Variants in PTPRD observed in about 807,000 individuals in gnomAD.
The protein encoded by PTPRD is protein tyrosine phosphatase receptor type D.
PTPRD carries 34 observed loss-of-function variants against 214.5 expected under a neutral mutation model. That is an observed-to-expected ratio of 0.16 (90% CI 0.12 to 0.21). The LOEUF is 0.21. PTPRD is among the 10% of genes least tolerant of loss of function. The probability of loss-of-function intolerance (pLI) is 1.00; values close to 1 mark genes in which losing one functional copy is unlikely to be tolerated. For synonymous variants in PTPRD, 1,128 were observed against 845.7 expected, an observed-to-expected ratio of 1.33 and a Z score of -5.79; for missense variants, 2,545 against 2,398.7, an observed-to-expected ratio of 1.06 and a Z score of -1.27.
rs548751655 is a variant in PTPRD, at chr9:9,162,740, T to A, written c.-143+20564A>T. ...CTACCTCTGCAAGTACTATTTTTTT[T>A]CTCTCCTTACCCCTTTACGGTCAAA... On this transcript the variant is annotated intron_variant, in intron 10 of 45. Transcript: ENST00000381196. Among the ~76,000 whole-genome samples, 3 of 152,242 alleles carry A rather than the reference T, an allele frequency of 2.0e-5. No individual in the cohort carries two copies. The East Asian group carries it at 5.8e-4, about 29-fold the overall frequency.
Position 9,884,171 on chromosome 9 carries a change from C to G in PTPRD, c.-368+54336G>C, listed in dbSNP as rs1040041388. ...AGTTTATTTTGGTCCCTCTAAGCCT[C>G]CCCATCATCCTTCAAACATTGACTA... On this transcript the variant is annotated intron_variant, in intron 5 of 45. Coordinates refer to ENST00000381196, the MANE Select transcript of PTPRD (RefSeq NM_002839.4). Among the ~76,000 whole-genome samples the G allele has an allele frequency of 9.9e-5, 15 of 152,020 alleles. 1 individual carries two copies. Among genetic ancestry groups the G allele is most frequent in the African/African-American group, 2.9e-4 (12 of 41,390 alleles).
At chr9:8,698,771 C>G (rs1288799358) in intron 12 of PTPRD, among the ~76,000 whole-genome samples, 1 of 152,144 alleles carries the variant, frequency 6.6e-6, no homozygotes, top group Non-Finnish European at 1.5e-5. Flanking sequence ...AACTAGATAG[C>G]TTGTTACCAA....
At chr9:8,940,702 G>A (rs983575722) in intron 11 of PTPRD, among the ~76,000 whole-genome samples, 1 of 151,906 alleles carries the variant, frequency 6.6e-6, no homozygotes, top group Non-Finnish European at 1.5e-5. Context: ...CCTGCTGGTT[G>A]GAGACACTCT....
At position 10,604,827 on chromosome 9, in the gene PTPRD, T is replaced by A. The variant is rs186795420; in HGVS notation, c.-600+7571A>T. On this transcript the variant is annotated intron_variant, in intron 2 of 45. Transcript: ENST00000381196. ...AATAGGAAATTACAAATGGGAAATATTTTTTCTATACTTGTGATGCACATA... is the reference window on the plus strand; with the variant it reads ...AATAGGAAATTACAAATGGGAAATAATTTTTCTATACTTGTGATGCACATA... 2.2e-3 allele frequency among the ~76,000 whole-genome samples: 336 copies of A among 152,012 alleles called. 3 individuals carry two copies. Among genetic ancestry groups the A allele is most frequent in the African/African-American group, 7.5e-3 (313 of 41,516 alleles).
intron 44 of PTPRD, among the ~76,000 whole-genome samples, chr9:8,325,311 G>A (rs1832535116): frequency 6.7e-6 from 1 of 148,360 alleles, no homozygotes; most frequent in Non-Finnish European, 1.5e-5. Flanking sequence ...TCTGCATATG[G>A]CCAGCCAGTT....
At position 8,897,175 on chromosome 9, in the gene PTPRD, A is replaced by G. The variant is rs931987272; in HGVS notation, c.-104+121522T>C. Among the ~76,000 whole-genome samples the G allele has an allele frequency of 3.3e-5, 5 of 152,210 alleles. No homozygotes were observed. In the South Asian group the frequency reaches 8.3e-4, roughly 25 times the overall value. On this transcript the variant is annotated intron_variant, in intron 11 of 45. Transcript: ENST00000381196. ...GGCCAAAATCTATCAATCAAGGAAT[A>G]TTTATTAAATGCCTGTGGGTTCCCT...
In PTPRD at chr9:8,645,318, C is replaced by G. The variant is rs566297654; in HGVS notation, c.65-8474G>C. ...AAATCAATGTCAGAAAATTCATAAA[C>G]AAATCACCCAAATTCCAAGTTTAGC... On this transcript the variant is annotated intron_variant, in intron 12 of 45. Transcript: ENST00000381196. Among the ~76,000 whole-genome samples, 3 of 152,264 alleles carry G rather than the reference C, an allele frequency of 2.0e-5. No individual in the cohort carries two copies. The South Asian group carries it at 6.2e-4, about 32-fold the overall frequency.
At chr9:9,921,991 C>T (rs1329293271) in intron 5 of PTPRD, among the ~76,000 whole-genome samples, 1 of 151,992 alleles carries the variant, frequency 6.6e-6, no homozygotes, top group Non-Finnish European at 1.5e-5. Context: ...ACACTTAATC[C>T]CTGTGCCATA....
chr9:10,533,556 A>C (rs1187005263), intron 2 of PTPRD, among the ~76,000 whole-genome samples: 4 of 152,004 alleles, frequency 2.6e-5, no homozygotes, highest in Non-Finnish European at 5.9e-5. Context: ...TAATGTATTA[A>C]AGAGTATGAA....
intron 35 of PTPRD, among the ~76,000 whole-genome samples, chr9:8,434,641 T>G (rs1374602678): frequency 6.6e-6 from 1 of 152,066 alleles, no homozygotes; most frequent in Non-Finnish European, 1.5e-5. Flanking sequence ...TAATCAAAAA[T>G]AAATAATTAA....
chr9:10,562,287 C>G (rs939247499), intron 2 of PTPRD, among the ~76,000 whole-genome samples: 1 of 151,294 alleles, frequency 6.6e-6, no homozygotes, highest in Non-Finnish European at 1.5e-5. Flanking sequence ...TCTTCTTCAA[C>G]GTAATGGAGG....
At chr9:9,412,740 G>A (rs112182268) in intron 8 of PTPRD, among the ~76,000 whole-genome samples, 109 of 151,840 alleles carry the variant, frequency 7.2e-4, no homozygotes, top group African/African-American at 2.2e-3. Context: ...GTTCTCATGC[G>A]CCATCCCCCA....
chr9:10,605,555 G>A (rs56395078), intron 2 of PTPRD, among the ~76,000 whole-genome samples: 6,696 of 151,828 alleles, frequency 0.044, 250 homozygotes, highest in African/African-American at 0.098. Context: ...GACTGCAACT[G>A]CCTAATAAGC....
chr9:9,860,153 T>C (rs947437141), intron 5 of PTPRD, among the ~76,000 whole-genome samples: 3 of 152,222 alleles, frequency 2.0e-5, no homozygotes, highest in Non-Finnish European at 2.9e-5. Flanking sequence ...GGTAAAACTA[T>C]TTCTTATTCT....
At chr9:10,043,479 G>C (rs531039646) in intron 3 of PTPRD, among the ~76,000 whole-genome samples, 1 of 151,952 alleles carries the variant, frequency 6.6e-6, no homozygotes, top group East Asian at 1.9e-4. Flanking sequence ...ATAGCTTAGA[G>C]ATCTTTGCCT....
intron 3 of PTPRD, among the ~76,000 whole-genome samples, chr9:10,297,103 T>TTATATA (rs372429613): frequency 4.1e-5 from 6 of 145,028 alleles, no homozygotes; most frequent in African/African-American, 1.5e-4. Context: ...ATCAGAAATT[T>TTATATA]TATATATATA....
At chr9:8,627,223 A>T (rs2096071876) in intron 14 of PTPRD, among the ~76,000 whole-genome samples, 2 of 151,828 alleles carry the variant, frequency 1.3e-5, no homozygotes, top group Admixed American at 1.3e-4. Flanking sequence ...TTGTTCTTCC[A>T]GGACAATATC....
chr9:9,022,887 T>G (rs1302666439), intron 10 of PTPRD, among the ~76,000 whole-genome samples: 1 of 152,166 alleles, frequency 6.6e-6, no homozygotes, highest in East Asian at 1.9e-4. Context: ...ATTGGAATTA[T>G]AGTGTATTAT....
intron 10 of PTPRD, among the ~76,000 whole-genome samples, chr9:9,134,198 G>A (rs1442125655): frequency 6.8e-6 from 1 of 146,878 alleles, no homozygotes. Context: ...TCAGCCTCCC[G>A]AGTAGCTGGG....
Sources: gnomAD v4.1 joint callset for allele counts (sites outside exome capture counted in the v4.1 genomes callset) on GRCh38, gnomAD v4.1.1 for gene constraint, MANE v1.5 for transcripts, NCBI Gene and HGNC (gene_info 2026-07-23, HGNC 2026-07-21) for gene names.